DMD: variants seen among roughly 807,000 people sequenced by gnomAD.
DMD encodes mutant dystrophin.
In DMD, 63 loss-of-function variants were observed where a neutral mutation model predicts 330.1. The ratio of observed to expected loss-of-function variants is 0.19; its 90% CI spans 0.16 to 0.24. The LOEUF (loss-of-function observed/expected upper bound fraction) is 0.24. Among genes scored for constraint, DMD ranks in the 10% least tolerant of loss-of-function variants. The pLI is 1.00. For synonymous variants in DMD, 1,223 were observed against 959.8 expected (o/e 1.27, Z -5.07); for missense variants, 3,344 against 2,684.1 (o/e 1.25, Z -5.43).
intron 41 of DMD, among the ~76,000 whole-genome samples, chrX:32,318,687 A>C: frequency 8.9e-6 from 1 of 111,766 alleles, no homozygotes; most frequent in Admixed American, 9.6e-5. Context: ...TCAATGAACA[A>C]TTTACCCCCT....
At chrX:31,253,337 G>T (rs1053773497) in intron 63 of DMD, among the ~76,000 whole-genome samples, 2 of 112,238 alleles carry the variant, frequency 1.8e-5, no homozygotes, top group Non-Finnish European at 3.8e-5. Context: ...AGAAGCAAGA[G>T]CCAAGGAAAG....
At chrX:31,330,690 G>T (rs12557137) in intron 61 of DMD, among the ~76,000 whole-genome samples, 20,706 of 110,920 alleles carry the variant, frequency 0.19, 1,481 homozygotes, top group East Asian at 0.3. Context: ...TATTTCTATC[G>T]TTTTCATTTC....
In DMD at chrX:32,439,351, TA is replaced by T. The variant is rs371064699; in HGVS notation, c.3922-962del. ...AGAGACTTCCTAAATACATTTATATTAAAAAAAATCACTATAACCTGTAAAA... is the reference window on the plus strand; with the variant it reads ...AGAGACTTCCTAAATACATTTATATTAAAAAAATCACTATAACCTGTAAAA... On this transcript the variant is annotated intron_variant, in intron 28 of 78. Coordinates refer to ENST00000357033, the MANE Select transcript of DMD (RefSeq NM_004006.3). 2.2e-3 allele frequency among the ~76,000 whole-genome samples: 240 copies of T among 111,160 alleles called. 3 individuals are homozygous for T. The South Asian group carries it at 0.048, about 22-fold the overall frequency.
rs185465993 is a variant in DMD at position 31,886,560 on chromosome X, C to G, written c.6913-11187G>C. Among the ~76,000 whole-genome samples, 3 of 111,857 alleles carry G rather than the reference C, an allele frequency of 2.7e-5. No individual in the cohort carries two copies. The East Asian group carries it at 8.4e-4, about 31-fold the overall frequency. On this transcript the variant is annotated intron_variant, in intron 47 of 78. Coordinates refer to ENST00000357033, the MANE Select transcript of DMD (RefSeq NM_004006.3). ...TAGGCCTATTAAAATTGTTTGACTT[C>G]ACTAGGAAAATTCAAACAGGGAGGT...
intron 7 of DMD, among the ~76,000 whole-genome samples, chrX:32,783,006 C>T (rs2074949494): frequency 9.7e-6 from 1 of 103,158 alleles, no homozygotes; most frequent in Non-Finnish European, 2.0e-5. Context: ...TATATACACA[C>T]ACACGTATAT....
chrX:32,616,300 G>C (rs1602188102), intron 11 of DMD, among the ~76,000 whole-genome samples: 1 of 111,079 alleles, frequency 9.0e-6, no homozygotes, highest in East Asian at 2.8e-4. Context: ...CCCCTGTGGA[G>C]TGGGGAGTTA....
intron 15 of DMD, among the ~76,000 whole-genome samples, chrX:32,569,206 T>C (rs2052108084): frequency 8.9e-6 from 1 of 112,044 alleles, no homozygotes; most frequent in African/African-American, 3.2e-5. Context: ...CTGTTCAAGA[T>C]GATTTGAAGT....
chrX:32,303,067 A>T (rs1419339427), intron 42 of DMD, among the ~76,000 whole-genome samples: 1 of 111,729 alleles, frequency 9.0e-6, no homozygotes, highest in African/African-American at 3.2e-5. Flanking sequence ...GTTCCCTGTC[A>T]CACATTTTCA....
At chrX:32,459,296 A>G (rs745827604) in intron 25 of DMD, among the ~76,000 whole-genome samples, 1 of 111,053 alleles carries the variant, frequency 9.0e-6, no homozygotes, top group Non-Finnish European at 1.9e-5. Context: ...AGTTGTATAA[A>G]TTAAATATGT....
At chrX:32,775,270 C>A (rs959775189) in intron 7 of DMD, among the ~76,000 whole-genome samples, 6 of 112,256 alleles carry the variant, frequency 5.3e-5, no homozygotes, top group Non-Finnish European at 9.4e-5. Context: ...AGTGGATCTA[C>A]CATTCTGGGG....
intron 44 of DMD, among the ~76,000 whole-genome samples, chrX:32,191,644 C>A: frequency 9.0e-6 from 1 of 111,205 alleles, no homozygotes; most frequent in East Asian, 2.8e-4. Context: ...CCAGGATCCC[C>A]ACGGATAGCA....
At chrX:33,168,293 A>C (rs968097050) in intron 1 of DMD, among the ~76,000 whole-genome samples, 3 of 111,104 alleles carry the variant, frequency 2.7e-5, no homozygotes, top group African/African-American at 9.8e-5. Flanking sequence ...AACTTTATTT[A>C]CTATATATTT....
intron 2 of DMD, among the ~76,000 whole-genome samples, chrX:32,928,127 A>G (rs918468432): frequency 9.0e-6 from 1 of 111,242 alleles, no homozygotes; most frequent in Non-Finnish European, 1.9e-5. Context: ...AAACATTAGA[A>G]ATATTAGAAA....
At chrX:33,150,570 C>G (rs1355780193) in intron 1 of DMD, among the ~76,000 whole-genome samples, 2 of 109,942 alleles carry the variant, frequency 1.8e-5, no homozygotes, top group Non-Finnish European at 3.8e-5. Flanking sequence ...GCTGGGATTA[C>G]AGGTGGGAGC....
At chrX:32,890,041 G>T (rs1001986909) in intron 2 of DMD, among the ~76,000 whole-genome samples, 1 of 111,849 alleles carries the variant, frequency 8.9e-6, no homozygotes, top group Non-Finnish European at 1.9e-5. Flanking sequence ...CAGTTATTGA[G>T]ATTCACTGCC....
chrX:32,849,137 C>G (rs1411764660), intron 3 of DMD, among the ~76,000 whole-genome samples: 1 of 111,521 alleles, frequency 9.0e-6, no homozygotes, highest in African/African-American at 3.3e-5. Flanking sequence ...GAATAGCAAT[C>G]TAAGACGATT....
chrX:31,456,272 T>C (rs1158541911), intron 59 of DMD, among the ~76,000 whole-genome samples: 4 of 112,426 alleles, frequency 3.6e-5, no homozygotes. Flanking sequence ...TTTAGGCATA[T>C]TTCTCCTTCT....
At chrX:32,121,019 C>T (rs371795846) in intron 44 of DMD, among the ~76,000 whole-genome samples, 1 of 111,813 alleles carries the variant, frequency 8.9e-6, no homozygotes. Context: ...ACAAATGCAT[C>T]GACTGAAATA....
In DMD at chrX:31,211,829, G is replaced by T. The variant is rs914468938; in HGVS notation, c.9362-2130C>A. On this transcript the variant is annotated intron_variant, in intron 64 of 78. Coordinates refer to ENST00000357033, the MANE Select transcript of DMD (RefSeq NM_004006.3). ...TTAAACACAAGAACAATCCATCACA[G>T]AAGACTGAAGAGCACATTTCCCTAA... Among the ~76,000 whole-genome samples the T allele has an allele frequency of 2.7e-5, 3 of 112,107 alleles. No individual in the cohort carries two copies. The East Asian group carries it at 8.4e-4, about 31-fold the overall frequency.
Sources: allele counts gnomAD v4.1 joint callset (sites outside exome capture counted in the v4.1 genomes callset), GRCh38; gene constraint gnomAD v4.1.1; transcripts MANE v1.5; gene names NCBI Gene and HGNC (gene_info 2026-07-23, HGNC 2026-07-21).